PUM3: variants seen among roughly 807,000 people sequenced by gnomAD.
PUM3 encodes the protein pumilio RNA binding family member 3.
A neutral mutation model predicts 84.0 loss-of-function variants in PUM3; 91 were observed. The observed-to-expected ratio is 1.08, with a 90% CI of 0.91 to 1.29. PUM3 has a LOEUF of 1.29. PUM3 is among the 50% of genes most tolerant of loss of function. The probability of loss-of-function intolerance (pLI) is 0.00; values close to 1 mark genes in which losing one functional copy is unlikely to be tolerated. For missense variants in PUM3, 1,067 were observed against 767.5 expected (o/e 1.39, Z -4.61); for synonymous variants, 321 against 266.7 (o/e 1.20, Z -1.98).
chr9:2,807,836 G>C lies in PUM3; in HGVS notation c.1792C>G (p.Arg598Gly), dbSNP rs776719805. Reference protein sequence around the residue: ...KNLKSWASVNRGAIILSSLLQ... With the variant: ...KNLKSWASVNGGAIILSSLLQ... ...TACCTAGAAAGAATAATGGCACCTCGATTTACACTAGCCCAGGACTTCAGG... is the reference window on the plus strand; with the variant it reads ...TACCTAGAAAGAATAATGGCACCTCCATTTACACTAGCCCAGGACTTCAGG... Residue 598 changes from arginine to glycine, a missense_variant, in exon 17 of 18, where the codon CGA (arginine) becomes GGA (glycine). Coordinates refer to ENST00000397885, the MANE Select transcript of PUM3 (RefSeq NM_014878.5). 16 of 1,612,940 alleles carry C rather than the reference G, an allele frequency of 9.9e-6. No individual in the cohort carries two copies. The highest frequency in any genetic ancestry group is 1.3e-5 in the Non-Finnish European group (15 of 1,179,350).
Position 2,812,070 on chromosome 9 carries a change from A to G in PUM3, c.1412+150T>C, listed in dbSNP as rs1012331989. On this transcript the variant is annotated intron_variant, in intron 14 of 17. Coordinates refer to ENST00000397885, the MANE Select transcript of PUM3 (RefSeq NM_014878.5). ...ATTTCCTTGTCAAGATAAAAACTTT[A>G]GAATCTGTCAAAAATATAGGCTTGA... The G allele has an allele frequency of 8.4e-5, 61 of 722,278 alleles. No homozygotes were observed. In the African/African-American group the frequency reaches 1.0e-3, roughly 12 times the overall value. 44.7% of individuals were successfully genotyped at this position (722,278 alleles called of 1,614,324 possible).
intron 3 of PUM3, among the ~76,000 whole-genome samples, chr9:2,835,131 G>A (rs1816088504): frequency 6.6e-6 from 1 of 152,096 alleles, no homozygotes; most frequent in Admixed American, 6.6e-5. Context: ...CTCAAAAAGT[G>A]GCCAGCTGCA....
chr9:2,830,901 G>C, intron 7 of PUM3, 61 bp downstream of exon 7: 1 of 862,716 alleles, frequency 1.2e-6, no homozygotes, highest in South Asian at 1.5e-5. Context: ...TCTGAGCACA[G>C]TTGGAAACCA....
chr9:2,809,832 G>C (rs943769854), intron 16 of PUM3, among the ~76,000 whole-genome samples: 1 of 152,172 alleles, frequency 6.6e-6, no homozygotes, highest in African/African-American at 2.4e-5. Flanking sequence ...AAGCGCCAAA[G>C]ACTGGCTTAC....
At chr9:2,823,578 A>T (rs745507854) in intron 12 of PUM3, among the ~76,000 whole-genome samples, 2 of 152,168 alleles carry the variant, frequency 1.3e-5, no homozygotes, top group African/African-American at 2.4e-5. Context: ...ATGTTAAATT[A>T]AAAAAGGAGA....
At chr9:2,807,974 G>A (rs559982470) in intron 16 of PUM3, 70 bp from the exon 17 acceptor site, 49 of 949,466 alleles carry the variant, frequency 5.2e-5, no homozygotes, top group Non-Finnish European at 7.9e-5. Flanking sequence ...CTTCTCTACT[G>A]CCCTTAAATC....
chr9:2,829,957 A>G lies in PUM3; in HGVS notation c.678-9T>C. On this transcript the variant is annotated splice_polypyrimidine_tract_variant and intron_variant, in intron 7 of 17. Transcript: ENST00000397885. ...CAATCTGTGGTTTACTTCTAAACGCAACACAATCATGGAAAAATAAATGAT... is the reference window on the plus strand; with the variant it reads ...CAATCTGTGGTTTACTTCTAAACGCGACACAATCATGGAAAAATAAATGAT... The G allele has an allele frequency of 5.0e-6, 8 of 1,595,624 alleles. No individual in the cohort carries two copies. Among genetic ancestry groups the G allele is most frequent in the Non-Finnish European group, 6.0e-6 (7 of 1,167,160 alleles).
rs1456372554 is a variant in PUM3, at chr9:2,824,769, G to T, written c.1082C>A (p.Thr361Lys). Residue 361 changes from threonine (T) to lysine (K), a missense_variant, in exon 11 of 18, where the codon ACA becomes AAA. Coordinates refer to ENST00000397885, the MANE Select transcript of PUM3 (RefSeq NM_014878.5). The stretch of plus-strand genomic sequence containing the variant: ...CATGGCCACTCTGGCGCCATCGTGT[G>T]TGTGTGCCAGGTAGACCACCGCTTC... ...IREAVVYLAHTHDGARVAMHC... is the reference protein window; with the variant it reads ...IREAVVYLAHKHDGARVAMHC... 6.3e-7 allele frequency: 1 copy of T among 1,589,846 alleles called. No homozygotes were observed.
At chr9:2,813,345 C>T (rs180755388) in intron 13 of PUM3, among the ~76,000 whole-genome samples, 56 of 152,264 alleles carry the variant, frequency 3.7e-4, no homozygotes, top group African/African-American at 7.5e-4. Context: ...CAATTTATTT[C>T]CCCACCTCTA....
At chr9:2,835,483 A>G (rs1043651183) in intron 3 of PUM3, among the ~76,000 whole-genome samples, 4 of 152,200 alleles carry the variant, frequency 2.6e-5, no homozygotes, top group Non-Finnish European at 5.9e-5. Flanking sequence ...CATGAAATTA[A>G]CATTCCTCAA....
rs533016113 is a variant in PUM3, at chr9:2,827,933, G to A, written c.956+742C>T. ...TTGGGGGAGTGGGGAACCAGGAGTC[G>A]TACCCAGGCAGTCGGGTCCCAAAAG... is the stretch of plus-strand genomic sequence containing the variant. On this transcript the variant is annotated intron_variant, in intron 9 of 17. Coordinates refer to ENST00000397885, the MANE Select transcript of PUM3 (RefSeq NM_014878.5). 8.6e-4 allele frequency among the ~76,000 whole-genome samples: 131 copies of A among 152,316 alleles called. 1 individual carries two copies. The highest frequency in any genetic ancestry group is 3.7e-3 in the South Asian group (18 of 4,822).
intron 13 of PUM3, among the ~76,000 whole-genome samples, chr9:2,813,731 C>T (rs1172552711): frequency 6.6e-6 from 1 of 152,196 alleles, no homozygotes; most frequent in African/African-American, 2.4e-5. Flanking sequence ...AATCTCACTG[C>T]ATCATGATCC....
At chr9:2,810,667 C>T (rs1038961803) in intron 15 of PUM3, among the ~76,000 whole-genome samples, 2 of 152,164 alleles carry the variant, frequency 1.3e-5, no homozygotes, top group South Asian at 2.1e-4. Flanking sequence ...CACGGCACAG[C>T]GCTTCAGTCT....
chr9:2,824,808 A>G lies in PUM3; in HGVS notation c.1043T>C (p.Ile348Thr), dbSNP rs767735218. The G allele has an allele frequency of 8.3e-6, 13 of 1,563,890 alleles. 1 individual carries two copies. The highest frequency in any genetic ancestry group is 1.7e-4 in the Middle Eastern group (1 of 5,946). The change falls in exon 11 of 18, where the codon ATT becomes ACT. Residue 348 changes from isoleucine to threonine, a missense_variant. Physicochemically the swap from Ile to Thr is moderately conservative, Grantham distance 89. Coordinates refer to ENST00000397885, the MANE Select transcript of PUM3 (RefSeq NM_014878.5). Reference sequence around the variant, plus strand: ...GACCACCGCTTCGCGGATGGCTTCAATCATTTCCTAGGGAACAAATGCTGT... The same window carrying G: ...GACCACCGCTTCGCGGATGGCTTCAGTCATTTCCTAGGGAACAAATGCTGT... ...YAPPKLRSEM[I>T]EAIREAVVYL...
chr9:2,807,774 G>T, intron 17 of PUM3, 40 bp downstream of exon 17: 1 of 1,305,074 alleles, frequency 7.7e-7, no homozygotes, highest in South Asian at 1.2e-5. Context: ...TCTTTTGCAT[G>T]ACCAGGCCCT....
chr9:2,819,190 C>T (rs987687761), intron 13 of PUM3, among the ~76,000 whole-genome samples: 2 of 152,176 alleles, frequency 1.3e-5, no homozygotes, highest in African/African-American at 4.8e-5. Flanking sequence ...CTACCATATA[C>T]TCAACACCAC....
rs139577827 is a variant in PUM3, at chr9:2,811,536, G to A, written c.1460C>T (p.Ser487Phe). ...VRRRELLESISPALLSYLQEH... is the reference protein window; with the variant it reads ...VRRRELLESIFPALLSYLQEH... ...TTGCAGGTAGCTTAACAAAGCTGGA[G>A]AAATGGATTCTAGGAGCTCCCGTCT... Residue 487 changes from serine (S) to phenylalanine (F), a missense_variant, in exon 15 of 18, where the codon TCT becomes TTT. Ser to Phe is a radical substitution (Grantham distance 155, BLOSUM62 -2). Transcript: ENST00000397885. 7 of 1,614,148 alleles carry A rather than the reference G, an allele frequency of 4.3e-6. No homozygotes were observed. The East Asian group carries it at 8.9e-5, about 21-fold the overall frequency.
At chr9:2,824,690 T>G (rs778372756) in intron 11 of PUM3, 27 bp downstream of exon 11, 6 of 1,442,734 alleles carry the variant, frequency 4.2e-6, no homozygotes, top group Non-Finnish European at 5.6e-6. Context: ...TTGTACAGTT[T>G]AAATGCCCAA....
Position 2,812,294 on chromosome 9 carries a change from TAGTA to T in PUM3, c.1334_1337del (p.Leu445Ter). 1 of 1,608,012 alleles carries T rather than the reference TAGTA, an allele frequency of 6.2e-7. No homozygotes were observed. Among genetic ancestry groups the T allele is most frequent in the Non-Finnish European group, 8.5e-7 (1 of 1,174,410 alleles). ...CTGTATGTGCAGGATCTCTGGGGCTTAGTAAGTACAATAGGACCTTCCTTCCATA... is the reference window on the plus strand; with the variant it reads ...CTGTATGTGCAGGATCTCTGGGGCTTAGTACAATAGGACCTTCCTTCCATA... On this transcript the variant is annotated frameshift_variant, in exon 14 of 18. Coordinates refer to ENST00000397885, the MANE Select transcript of PUM3 (RefSeq NM_014878.5). LOFTEE classifies it high-confidence loss of function.
Sources: gnomAD v4.1 joint callset for allele counts (sites outside exome capture counted in the v4.1 genomes callset) on GRCh38, gnomAD v4.1.1 for gene constraint, MANE v1.5 for transcripts, NCBI Gene and HGNC (gene_info 2026-07-23, HGNC 2026-07-21) for gene names.